The following MAMDC4 variants were observed in gnomAD, a reference collection of about 807,000 sequenced individuals.
MAMDC4 encodes apical endosomal glycoprotein.
MAMDC4 carries 168 observed loss-of-function variants against 153.3 expected under a neutral mutation model. The observed-to-expected ratio is 1.10, with a 90% CI of 0.97 to 1.25. MAMDC4 has a LOEUF of 1.25. MAMDC4 is among the 50% of genes most tolerant of loss of function. The probability of loss-of-function intolerance (pLI) is 0.00; values close to 1 mark genes in which losing one functional copy is unlikely to be tolerated. For missense variants in MAMDC4, 1,701 were observed against 1,542.8 expected (o/e 1.10, Z -1.72); for synonymous variants, 744 against 651.5 (o/e 1.14, Z -2.16).
Position 136,857,764 on chromosome 9 carries a change from C to T in MAMDC4, c.2432C>T (p.Thr811Ile), listed in dbSNP as rs1459724528. 1.2e-6 allele frequency: 2 copies of T among 1,612,608 alleles called. No individual in the cohort carries two copies. The highest frequency in any genetic ancestry group is 1.1e-5 in the South Asian group (1 of 91,072). ...HRPLAQPACL[T>I]FWYHGSLRSP... Reference sequence around the variant, plus strand: ...CCCCTGGCCCAGCCTGCTTGTCTGACCTTCTGGTACCACGGGAGCCTCCGC... The same window carrying T: ...CCCCTGGCCCAGCCTGCTTGTCTGATCTTCTGGTACCACGGGAGCCTCCGC... Residue 811 changes from threonine to isoleucine, a missense_variant, in exon 19 of 27, where the codon ACC (threonine) becomes ATC (isoleucine). Thr to Ile is a moderately conservative substitution (Grantham distance 89). Coordinates refer to ENST00000317446, the MANE Select transcript of MAMDC4 (RefSeq NM_206920.3).
Position 136,857,645 on chromosome 9 carries a change from G to A in MAMDC4, c.2327-14G>A. ...GCTGGCCAGGGGCTGGCAGGCTGAT[G>A]CTGGCACCTCCAGGGCACTACATGG... is the stretch of plus-strand genomic sequence containing the variant. On this transcript the variant is annotated splice_polypyrimidine_tract_variant and intron_variant, in intron 18 of 26. Coordinates refer to ENST00000317446, the MANE Select transcript of MAMDC4 (RefSeq NM_206920.3). 1 of 1,612,476 alleles carries A rather than the reference G, an allele frequency of 6.2e-7. No individual in the cohort carries two copies. The highest frequency in any genetic ancestry group is 8.5e-7 in the Non-Finnish European group (1 of 1,179,828).
At chr9:136,855,700 ACT>A in intron 12 of MAMDC4, 30 bp from the exon 13 acceptor site, 2 of 1,571,118 alleles carry the variant, frequency 1.3e-6, no homozygotes, top group Non-Finnish European at 1.7e-6. Flanking sequence ...GACTCTGAGG[ACT>A]CTGCCATTCA....
chr9:136,858,946 G>C, intron 23 of MAMDC4, 59 bp from the exon 24 acceptor site: 1 of 1,523,448 alleles, frequency 6.6e-7, no homozygotes, highest in Non-Finnish European at 8.8e-7. Flanking sequence ...GCCCGCCCCT[G>C]GTTAGGCGTG....
Position 136,858,075 on chromosome 9 carries a change from T to G in MAMDC4, c.2561T>G (p.Val854Gly). 1 of 1,531,576 alleles carries G rather than the reference T, an allele frequency of 6.5e-7. No homozygotes were observed. Among genetic ancestry groups the G allele is most frequent in the Non-Finnish European group, 8.8e-7 (1 of 1,140,992 alleles). The allele number at this position is 1,531,576 out of a possible 1,614,324, so 94.9% of individuals were successfully genotyped here. A position where few individuals can be genotyped will look rare whatever the true frequency, so the allele number is the denominator to read the frequency against. Residue 854 changes from valine (V) to glycine (G), a missense_variant, in exon 20 of 27, where the codon GTG (valine) becomes GGG (glycine). Coordinates refer to ENST00000317446, the MANE Select transcript of MAMDC4 (RefSeq NM_206920.3). ...GLAWRLGSMD[V>G]QAERAWRVVF... ...GCCTGGCGCCTGGGCAGCATGGACG[T>G]GCAGGCCGAGCGAGCCTGGAGGGTG...
intron 25 of MAMDC4, 74 bp downstream of exon 25, chr9:136,859,391 AC>A: frequency 7.4e-7 from 1 of 1,349,984 alleles, no homozygotes; most frequent in Non-Finnish European, 1.0e-6. Flanking sequence ...TGCCAGGCTT[AC>A]CAGTGTGTGG....
Position 136,857,749 on chromosome 9 carries a change from A to G in MAMDC4, c.2417A>G (p.Gln806Arg), listed in dbSNP as rs768087415. ...LTSKEHRPLA[Q>R]PACLTFWYHG... ...TCCAAGGAGCACAGGCCCCTGGCCC[A>G]GCCTGCTTGTCTGACCTTCTGGTAC... The change falls in exon 19 of 27, where the codon CAG becomes CGG. Residue 806 changes from glutamine (Q) to arginine (R), a missense_variant. Gln to Arg is a conservative substitution (Grantham distance 43). Transcript: ENST00000317446. 4 of 1,612,654 alleles carry G rather than the reference A, an allele frequency of 2.5e-6. No individual in the cohort carries two copies. The highest frequency in any genetic ancestry group is 3.3e-5 in the Admixed American group (2 of 60,008).
At chr9:136,858,120 CT>C in intron 20 of MAMDC4, 23 bp downstream of exon 20, 1 of 1,523,686 alleles carries the variant, frequency 6.6e-7, no homozygotes, top group Non-Finnish European at 8.8e-7. Context: ...TGGGGTGCCC[CT>C]CCCCCTCCCC....
At chr9:136,855,226 G>A (rs1217734187) in intron 10 of MAMDC4, 28 bp from the exon 11 acceptor site, 2 of 1,577,544 alleles carry the variant, frequency 1.3e-6, no homozygotes, top group African/African-American at 1.4e-5. Context: ...AAATAGGCTG[G>A]GCACCCCCTG....
Position 136,853,419 on chromosome 9 carries a change from C to T in MAMDC4, c.289C>T (p.Pro97Ser), listed in dbSNP as rs764553435. 6 of 1,603,996 alleles carry T rather than the reference C, an allele frequency of 3.7e-6. No individual in the cohort carries two copies. In the Admixed American group the frequency reaches 8.4e-5, roughly 22 times the overall value. ...CAGGGCAGGGGCCGCACTGGAGGGT[C>T]CTGGGCCTCACTCAGACCACACACT... is the stretch of plus-strand genomic sequence containing the variant. ...RDRAGAALEG[P>S]GPHSDHTLGT... The change falls in exon 3 of 27, where the codon CCT becomes TCT. Residue 97 changes from proline (P) to serine (S), a missense_variant. Pro to Ser is a moderately conservative substitution (Grantham distance 74, BLOSUM62 -1). Coordinates refer to ENST00000317446, the MANE Select transcript of MAMDC4 (RefSeq NM_206920.3).
At chr9:136,856,476 G>A (rs773145410) in intron 14 of MAMDC4, 29 of 784,264 alleles carry the variant, frequency 3.7e-5, no homozygotes, top group South Asian at 2.6e-4. Context: ...GGAGTTTGTC[G>A]GTTTGGTGGA....
rs764088763 is a variant in MAMDC4 at position 136,859,939 on chromosome 9, T to C, written c.3247T>C (p.Leu1083=). ...VPAVVGSALL[L]LMLLVLLGLG... ...AGCTGTGGTTGGCAGTGCCCTCCTA[T>C]TGCTCATGCTCCTGGTGCTGCTGGG... is the stretch of plus-strand genomic sequence containing the variant. Residue 1083 remains leucine, a synonymous_variant, in exon 26 of 27, where the codon TTG becomes CTG. Coordinates refer to ENST00000317446, the MANE Select transcript of MAMDC4 (RefSeq NM_206920.3). The C allele has an allele frequency of 3.2e-5, 52 of 1,613,004 alleles. No individual in the cohort carries two copies. Among genetic ancestry groups the C allele is most frequent in the Non-Finnish European group, 4.3e-5 (51 of 1,179,950 alleles).
Position 136,854,854 on chromosome 9 carries a change from A to G in MAMDC4, c.1023+4A>G. ...CTCAGGCACCTCCAACTGCTCGGTG[A>G]GATGGGTGGGGCTCACAGGGCCTCC... On this transcript the variant is annotated splice_donor_region_variant and intron_variant, in intron 9 of 26. Coordinates refer to ENST00000317446, the MANE Select transcript of MAMDC4 (RefSeq NM_206920.3). 6.2e-7 allele frequency: 1 copy of G among 1,612,676 alleles called. No homozygotes were observed. Among genetic ancestry groups the G allele is most frequent in the Non-Finnish European group, 8.5e-7 (1 of 1,179,850 alleles).
intron 14 of MAMDC4, 32 bp from the exon 15 acceptor site, chr9:136,856,678 A>T (rs1247371661): frequency 2.5e-6 from 4 of 1,596,640 alleles, no homozygotes; most frequent in South Asian, 1.1e-5. Flanking sequence ...GGAGGGGAGA[A>T]GGTGTGTGAC....
rs765112853 is a variant in MAMDC4, at chr9:136,855,491, C to A, written c.1343C>A (p.Pro448Gln). ...CGGGCCCCAGCCCCCCAGCCCCTGC[C>A]GCCCAGCTCGCGGCTCCAGGATTCC... ...GPRAPAPQPL[P>Q]PSSRLQDSCK... is the part of the protein sequence containing the mutation. The change falls in exon 12 of 27, where the codon CCG becomes CAG. Residue 448 changes from proline to glutamine, a missense_variant. Coordinates refer to ENST00000317446, the MANE Select transcript of MAMDC4 (RefSeq NM_206920.3). 1.6e-5 allele frequency: 25 copies of A among 1,598,336 alleles called. No individual in the cohort carries two copies. In the South Asian group the frequency reaches 2.4e-4, roughly 15 times the overall value.
intron 21 of MAMDC4, 56 bp downstream of exon 21, chr9:136,858,332 C>A: frequency 6.2e-7 from 1 of 1,600,232 alleles, no homozygotes; most frequent in Non-Finnish European, 8.5e-7. Context: ...TAGCCCTTTC[C>A]CTTCGTAGTC....
chr9:136,854,737 G>A, intron 8 of MAMDC4, 25 bp from the exon 9 acceptor site: 1 of 1,612,622 alleles, frequency 6.2e-7, no homozygotes, highest in African/African-American at 1.3e-5. Context: ...CAGTGGCCCT[G>A]GCCCACTCCC....
rs758662573 is a variant in MAMDC4 at position 136,855,562 on chromosome 9, G to A, written c.1414G>A (p.Glu472Lys). The A allele has an allele frequency of 6.3e-7, 1 of 1,592,146 alleles. No homozygotes were observed. Among genetic ancestry groups the A allele is most frequent in the Non-Finnish European group, 8.5e-7 (1 of 1,169,666 alleles). The change falls in exon 12 of 27, where the codon GAA becomes AAA. Residue 472 changes from glutamate to lysine, a missense_variant. Physicochemically the swap from Glu to Lys is moderately conservative, Grantham distance 56. Transcript: ENST00000317446. Reference sequence around the variant, plus strand: ...CTGCGGGGACCTGTGTGTGCCCCCGGAACAACTGTGTGACTTCGAGGAGCA... The same window carrying A: ...CTGCGGGGACCTGTGTGTGCCCCCGAAACAACTGTGTGACTTCGAGGAGCA... ...LACGDLCVPP[E>K]QLCDFEEQCA... is the part of the protein sequence containing the mutation.
chr9:136,857,097 GT>G, intron 16 of MAMDC4, 56 bp downstream of exon 16: 1 of 1,603,500 alleles, frequency 6.2e-7, no homozygotes, highest in South Asian at 1.1e-5. Flanking sequence ...GGGGTTCAGA[GT>G]CCCCCGCTCT....
At chr9:136,856,233 A>C in intron 14 of MAMDC4, 84 bp downstream of exon 14, 1 of 1,599,528 alleles carries the variant, frequency 6.3e-7, no homozygotes, top group Non-Finnish European at 8.6e-7. Flanking sequence ...GGTGACCCAC[A>C]GTGCCCCCCG....
Sources: gnomAD v4.1 joint callset for allele counts on GRCh38, gnomAD v4.1.1 for gene constraint, MANE v1.5 for transcripts, NCBI Gene and HGNC (gene_info 2026-07-23, HGNC 2026-07-21) for gene names.